ABCB4: variants seen among roughly 807,000 people sequenced by gnomAD.
ABCB4 encodes the protein ATP binding cassette subfamily B member 4, also known as phosphatidylcholine translocator ABCB4.
In ABCB4, 76 loss-of-function variants were observed where a neutral mutation model predicts 145.7. The observed-to-expected ratio is 0.52, with a 90% CI of 0.43 to 0.63. ABCB4 has a LOEUF of 0.63. ABCB4 is among the 30% of genes least tolerant of loss of function. ABCB4 has a pLI of 0.00. For synonymous variants in ABCB4, 517 were observed against 566.8 expected (o/e 0.91, Z 1.25); for missense variants, 1,234 against 1,553.1 (o/e 0.79, Z 3.45).
At chr7:87,458,615 A>G (rs1172957147) in intron 4 of ABCB4, among the ~76,000 whole-genome samples, 1 of 152,194 alleles carries the variant, frequency 6.6e-6, no homozygotes, top group Admixed American at 6.5e-5. Context: ...ATCAATAAGC[A>G]GTCTGGATTT....
At chr7:87,370,568 C>T in the ABCB4 span, among the ~76,000 whole-genome samples, 2 of 152,142 alleles carry the variant, frequency 1.3e-5, no homozygotes, top group African/African-American at 4.8e-5. Context: ...CTATTTATAA[C>T]TTAAATTAGT....
chr7:87,422,006 C>A lies in ABCB4; in HGVS notation c.2316+115G>T, dbSNP rs192128551. The A allele has an allele frequency of 7.6e-4, 597 of 784,110 alleles. 1 individual carries two copies. The highest frequency in any genetic ancestry group is 1.4e-3 in the Middle Eastern group (4 of 2,764). The allele number at this position is 784,110 out of a possible 1,614,324, so 48.6% of individuals were successfully genotyped here. A position where few individuals can be genotyped will look rare whatever the true frequency, so the allele number is the denominator to read the frequency against. On this transcript the variant is annotated intron_variant, in intron 18 of 27. Coordinates refer to ENST00000649586, the MANE Select transcript of ABCB4 (RefSeq NM_000443.4). Reference sequence around the variant, plus strand: ...GTCTACCCTCCAGCAGAGCCTTATGCCAATCATGTTTGCAATTTATTTCAC... The same window carrying A: ...GTCTACCCTCCAGCAGAGCCTTATGACAATCATGTTTGCAATTTATTTCAC...
At chr7:87,475,549 A>G in intron 1 of ABCB4, 78 bp from the exon 2 acceptor site, 3 of 1,452,218 alleles carry the variant, frequency 2.1e-6, no homozygotes, top group Non-Finnish European at 2.9e-6. Flanking sequence ...GCCCGGGGGC[A>G]CTGGGTGGAG....
At chr7:87,457,195 G>T (rs1459105283) in intron 4 of ABCB4, among the ~76,000 whole-genome samples, 1 of 152,134 alleles carries the variant, frequency 6.6e-6, no homozygotes, top group Admixed American at 6.5e-5. Context: ...GAGGCGGGAG[G>T]ATCACTTGAG....
chr7:87,403,020 A>G, intron 27 of ABCB4, 115 bp downstream of exon 27: 5 of 1,170,766 alleles, frequency 4.3e-6, no homozygotes, highest in Non-Finnish European at 6.4e-6. Flanking sequence ...AAAAACCACT[A>G]TCTAACGTTC....
intron 23 of ABCB4, among the ~76,000 whole-genome samples, chr7:87,410,500 T>G (rs1427575604): frequency 6.6e-6 from 1 of 152,164 alleles, no homozygotes; most frequent in Non-Finnish European, 1.5e-5. Context: ...CTTCTAGGTT[T>G]CCATAATTTA....
At chr7:87,382,056 A>G in the ABCB4 span, 2 of 1,585,684 alleles carry the variant, frequency 1.3e-6, no homozygotes, top group African/African-American at 2.7e-5. Flanking sequence ...AATATTTTTA[A>G]GTCTTCCCTA....
At chr7:87,372,951 T>C in the ABCB4 span, among the ~76,000 whole-genome samples, 1 of 152,138 alleles carries the variant, frequency 6.6e-6, no homozygotes, top group African/African-American at 2.4e-5. Context: ...TGTATACAGG[T>C]TTTCATGTAA....
chr7:87,378,428 T>C, the ABCB4 span, among the ~76,000 whole-genome samples: 6,255 of 152,072 alleles, frequency 0.041, 192 homozygotes, highest in Middle Eastern at 0.062. Flanking sequence ...AAACTAGCGT[T>C]AGCGTAAGAA....
intron 4 of ABCB4, among the ~76,000 whole-genome samples, chr7:87,457,729 A>AG (rs1812193908): frequency 6.6e-6 from 1 of 152,224 alleles, no homozygotes; most frequent in Non-Finnish European, 1.5e-5. Context: ...TAAGGATTAT[A>AG]GAGGTTAAGA....
chr7:87,397,888 T>C (rs1188582753), downstream of ABCB4, among the ~76,000 whole-genome samples: 1 of 152,228 alleles, frequency 6.6e-6, no homozygotes, highest in Admixed American at 6.5e-5. Context: ...CATATTTCGC[T>C]ATAGAAACTT....
the ABCB4 span, among the ~76,000 whole-genome samples, chr7:87,392,064 A>T: frequency 6.6e-6 from 1 of 152,330 alleles, no homozygotes; most frequent in East Asian, 1.9e-4. Context: ...TGTTTTTGAA[A>T]TGACAGATTC....
chr7:87,468,914 C>G (rs114514057), intron 3 of ABCB4, among the ~76,000 whole-genome samples: 3,074 of 99,490 alleles, frequency 0.031, 106 homozygotes, highest in African/African-American at 0.14. Context: ...CTGGGCGAAA[C>G]AGCGCAACTC....
intron 3 of ABCB4, among the ~76,000 whole-genome samples, chr7:87,471,922 T>C (rs1457688761): frequency 2.0e-5 from 3 of 152,258 alleles, no homozygotes; most frequent in African/African-American, 7.2e-5. Context: ...ATTTATGTAC[T>C]TAACAATTAC....
At chr7:87,418,931 T>A (rs1356077944) in intron 19 of ABCB4, among the ~76,000 whole-genome samples, 1 of 152,124 alleles carries the variant, frequency 6.6e-6, no homozygotes, top group Non-Finnish European at 1.5e-5. Flanking sequence ...AATCATCAGG[T>A]CTTTCACTAT....
At chr7:87,444,564 G>A (rs2116727327) in intron 10 of ABCB4, among the ~76,000 whole-genome samples, 1 of 152,196 alleles carries the variant, frequency 6.6e-6, no homozygotes, top group South Asian at 2.1e-4. Context: ...GCTACAACAT[G>A]AAAGTGAAAA....
chr7:87,393,682 G>A, the ABCB4 span, among the ~76,000 whole-genome samples: 7 of 152,138 alleles, frequency 4.6e-5, no homozygotes, highest in African/African-American at 1.7e-4. Context: ...AGCATAGTTG[G>A]CTTCATAAAA....
chr7:87,378,700 T>C, the ABCB4 span, among the ~76,000 whole-genome samples: 1 of 152,218 alleles, frequency 6.6e-6, no homozygotes, highest in East Asian at 1.9e-4. Context: ...TCAGTTGTGA[T>C]TGGCCTGTGT....
downstream of ABCB4, among the ~76,000 whole-genome samples, chr7:87,397,474 C>G (rs1807573649): frequency 1.3e-5 from 2 of 151,988 alleles, no homozygotes; most frequent in Non-Finnish European, 1.5e-5. Flanking sequence ...ATTGTCTGTA[C>G]ATGTAGGAAA....
Sources: allele counts gnomAD v4.1 joint callset (sites outside exome capture counted in the v4.1 genomes callset), GRCh38; gene constraint gnomAD v4.1.1; transcripts MANE v1.5; gene names NCBI Gene and HGNC (gene_info 2026-07-23, HGNC 2026-07-21).